DNER: variants seen among roughly 807,000 people sequenced by gnomAD.
The protein encoded by DNER is delta and Notch-like epidermal growth factor-related receptor.
A neutral mutation model predicts 78.2 loss-of-function variants in DNER; 33 were observed. That is an observed-to-expected ratio of 0.42 (90% confidence interval 0.32 to 0.56). The LOEUF is 0.56. Ranked by LOEUF, DNER falls within the 20% of genes least tolerant of loss-of-function variation. The probability of loss-of-function intolerance (pLI) is 0.11; values close to 1 mark genes in which losing one functional copy is unlikely to be tolerated. For synonymous variants in DNER, 417 were observed against 384.8 expected, an observed-to-expected ratio of 1.08 and a Z score of -0.98; for missense variants, 918 against 975.3, an observed-to-expected ratio of 0.94 and a Z score of 0.78.
chr2:229,606,909 C>A (rs113762533), intron 1 of DNER, among the ~76,000 whole-genome samples: 3,406 of 152,172 alleles, frequency 0.022, 75 homozygotes, highest in African/African-American at 0.056. Context: ...ACCACCACCA[C>A]CAACAACAAC....
chr2:229,409,529 T>G (rs1048807516), intron 9 of DNER, among the ~76,000 whole-genome samples: 1 of 152,190 alleles, frequency 6.6e-6, no homozygotes, highest in African/African-American at 2.4e-5. Flanking sequence ...TTTAAGCATC[T>G]TACCTTTTAT....
intron 4 of DNER, among the ~76,000 whole-genome samples, chr2:229,573,003 G>A (rs574582958): frequency 2.0e-5 from 3 of 152,258 alleles, no homozygotes; most frequent in African/African-American, 7.2e-5. Context: ...TGTCCTACAT[G>A]TAGTCATTAA....
intron 11 of DNER, among the ~76,000 whole-genome samples, chr2:229,372,947 G>A (rs145268100): frequency 6.6e-5 from 10 of 152,226 alleles, no homozygotes; most frequent in African/African-American, 9.6e-5. Flanking sequence ...ATGAGGTGCT[G>A]TAGCCGAGTG....
chr2:229,627,803 C>T (rs145450146), intron 1 of DNER, among the ~76,000 whole-genome samples: 2 of 152,244 alleles, frequency 1.3e-5, no homozygotes, highest in South Asian at 2.1e-4. Context: ...GAGCTAGGAA[C>T]CCCAGGCAAG....
At chr2:229,528,286 T>G (rs1696242420) in intron 5 of DNER, among the ~76,000 whole-genome samples, 1 of 152,236 alleles carries the variant, frequency 6.6e-6, no homozygotes, top group African/African-American at 2.4e-5. Context: ...AGAAGGTGAC[T>G]GTTGACGGAG....
intron 4 of DNER, among the ~76,000 whole-genome samples, chr2:229,565,253 C>T (rs1267859179): frequency 6.6e-6 from 1 of 152,260 alleles, no homozygotes; most frequent in East Asian, 1.9e-4. Flanking sequence ...TTCAGAGAGT[C>T]CTCTAAGCCC....
Position 229,358,692 on chromosome 2 carries a change from G to C in DNER, c.2103-41C>G, listed in dbSNP as rs778386309. On this transcript the variant is annotated intron_variant, in intron 12 of 12. Coordinates refer to ENST00000341772, the MANE Select transcript of DNER (RefSeq NM_139072.4). ...AAGGACTCTGGTTAGATAAATACTA[G>C]ATCTCAAGTTTAATTAAAGCAAGTG... 6.5e-6 allele frequency: 10 copies of C among 1,533,762 alleles called. No individual in the cohort carries two copies. The East Asian group carries it at 1.8e-4, about 28-fold the overall frequency.
chr2:229,392,631 A>T (rs1427346644), intron 10 of DNER, among the ~76,000 whole-genome samples: 1 of 152,178 alleles, frequency 6.6e-6, no homozygotes, highest in Non-Finnish European at 1.5e-5. Context: ...ACTGAGAAAT[A>T]TTCAGATTTG....
intron 7 of DNER, among the ~76,000 whole-genome samples, chr2:229,448,260 T>C (rs1446379736): frequency 6.6e-6 from 1 of 151,990 alleles, no homozygotes; most frequent in Middle Eastern, 3.2e-3. Flanking sequence ...TAAAAGAAGC[T>C]AGGCACGAAA....
chr2:229,458,135 CAAAA>C (rs61340733), intron 7 of DNER, among the ~76,000 whole-genome samples: 61 of 17,706 alleles, frequency 3.4e-3, no homozygotes, highest in South Asian at 0.022. Flanking sequence ...GACTCTATCT[CAAAA>C]AAAAAAAAAA....
At chr2:229,579,725 G>A (rs1357322033) in intron 4 of DNER, among the ~76,000 whole-genome samples, 1 of 151,930 alleles carries the variant, frequency 6.6e-6, no homozygotes, top group South Asian at 2.1e-4. Flanking sequence ...GCCTAAATTA[G>A]GAACTTTTGC....
At chr2:229,700,608 T>A (rs1388743116) in intron 1 of DNER, among the ~76,000 whole-genome samples, 1 of 151,502 alleles carries the variant, frequency 6.6e-6, no homozygotes, top group Non-Finnish European at 1.5e-5. Context: ...AAATAATGGG[T>A]TTGCTTTCTG....
chr2:229,706,906 G>C (rs1254857211), intron 1 of DNER, among the ~76,000 whole-genome samples: 1 of 151,854 alleles, frequency 6.6e-6, no homozygotes, highest in Non-Finnish European at 1.5e-5. Context: ...ATTTTTTTTT[G>C]ACCACTTAAA....
chr2:229,573,445 A>G (rs1697249232), intron 4 of DNER, among the ~76,000 whole-genome samples: 1 of 152,222 alleles, frequency 6.6e-6, no homozygotes, highest in Admixed American at 6.5e-5. Flanking sequence ...TCTGAGTTTT[A>G]TACCCAAGAC....
At chr2:229,555,947 T>C (rs1696848390) in intron 4 of DNER, among the ~76,000 whole-genome samples, 1 of 152,244 alleles carries the variant, frequency 6.6e-6, no homozygotes, top group Admixed American at 6.5e-5. Context: ...GTATTTTTCA[T>C]ACCTTTGCTT....
intron 5 of DNER, among the ~76,000 whole-genome samples, chr2:229,519,110 T>G (rs17581255): frequency 0.3 from 46,140 of 152,044 alleles, 8,139 homozygotes; most frequent in Non-Finnish European, 0.41. Context: ...GATTCTGACT[T>G]TTTTGATATT....
At chr2:229,443,622 A>G (rs1415370691) in intron 8 of DNER, among the ~76,000 whole-genome samples, 2 of 152,246 alleles carry the variant, frequency 1.3e-5, no homozygotes, top group Non-Finnish European at 2.9e-5. Context: ...ATTTGCAGTA[A>G]TCAAAATGGC....
intron 1 of DNER, among the ~76,000 whole-genome samples, chr2:229,671,007 C>T (rs1699198089): frequency 6.6e-6 from 1 of 151,964 alleles, no homozygotes; most frequent in African/African-American, 2.4e-5. Flanking sequence ...TTTTTTTCTG[C>T]TTTTTAAATA....
intron 6 of DNER, among the ~76,000 whole-genome samples, chr2:229,510,244 G>A (rs769919506): frequency 6.6e-6 from 1 of 152,216 alleles, no homozygotes; most frequent in African/African-American, 2.4e-5. Context: ...GATTTCAATC[G>A]TTGTTCAAAG....
Sources: allele counts gnomAD v4.1 joint callset (sites outside exome capture counted in the v4.1 genomes callset), GRCh38; gene constraint gnomAD v4.1.1; transcripts MANE v1.5; gene names NCBI Gene and HGNC (gene_info 2026-07-23, HGNC 2026-07-21).